SEMA4D: variants seen among roughly 807,000 people sequenced by gnomAD.
SEMA4D encodes the protein semaphorin-4D.
Under a neutral mutation model 74.8 loss-of-function variants are expected in SEMA4D, and 22 were observed. That is an observed-to-expected ratio of 0.29 (90% CI 0.21 to 0.42). The LOEUF (loss-of-function observed/expected upper bound fraction) is 0.42. SEMA4D is among the 10% of genes least tolerant of loss of function. SEMA4D has a pLI of 1.00. For missense variants in SEMA4D, 937 were observed against 1,118.4 expected, an observed-to-expected ratio of 0.84 and a Z score of 2.31; for synonymous variants, 445 against 463.7, an observed-to-expected ratio of 0.96 and a Z score of 0.52.
At chr9:89,430,052 G>A (rs150348297) in intron 2 of SEMA4D, among the ~76,000 whole-genome samples, 51 of 151,730 alleles carry the variant, frequency 3.4e-4, no homozygotes, top group African/African-American at 1.1e-3. Context: ...GGGTGGGAGC[G>A]GTCACAAGCC....
exon 19 of SEMA4D, chr9:89,361,450 A>G (rs1032771165): frequency 6.6e-6 from 1 of 152,232 alleles, no homozygotes; most frequent in Non-Finnish European, 1.5e-5. Flanking sequence ...GAAAACTGTC[A>G]TTCAACAGAC....
At chr9:89,467,053 G>A (rs1858914117) in intron 1 of SEMA4D, among the ~76,000 whole-genome samples, 1 of 152,252 alleles carries the variant, frequency 6.6e-6, no homozygotes, top group Admixed American at 6.5e-5. Context: ...AGCCCCATGT[G>A]TGAAGTTAAC....
chr9:89,380,881 C>T (rs371661033), intron 15 of SEMA4D, among the ~76,000 whole-genome samples, 174 bp downstream of exon 15: 8 of 152,158 alleles, frequency 5.3e-5, no homozygotes, highest in Non-Finnish European at 8.8e-5. Context: ...AGTACTCTTT[C>T]GGCAAGAAAA....
intron 2 of SEMA4D, among the ~76,000 whole-genome samples, chr9:89,451,203 C>T: frequency 6.6e-6 from 1 of 152,018 alleles, no homozygotes; most frequent in Admixed American, 6.6e-5. Flanking sequence ...TCCATTCTCC[C>T]CAAGTATTTT....
chr9:89,436,016 G>A (rs553181151), intron 2 of SEMA4D, among the ~76,000 whole-genome samples: 1 of 151,984 alleles, frequency 6.6e-6, no homozygotes, highest in South Asian at 2.1e-4. Context: ...CACAGCCTCA[G>A]CCTTGGCTGC....
rs1184757052 is a variant in SEMA4D, at chr9:89,459,538, G to A, written c.-309-3585C>T. 7.9e-5 allele frequency among the ~76,000 whole-genome samples: 12 copies of A among 152,286 alleles called. 1 individual carries two copies. Among genetic ancestry groups the A allele is most frequent in the Admixed American group, 7.2e-4 (11 of 15,306 alleles). ...GAAACAGCCTACAAGGGTGTTGGGGGGGAGTCTTATTAACATTCCTGAGGG... is the reference window on the plus strand; with the variant it reads ...GAAACAGCCTACAAGGGTGTTGGGGAGGAGTCTTATTAACATTCCTGAGGG... On this transcript the variant is annotated intron_variant, in intron 1 of 15. Coordinates refer to ENST00000422704, the MANE Select transcript of SEMA4D (RefSeq NM_001371194.2).
At chr9:89,490,426 A>G (rs1245958205) in intron 1 of SEMA4D, among the ~76,000 whole-genome samples, 2 of 152,204 alleles carry the variant, frequency 1.3e-5, no homozygotes, top group Admixed American at 6.5e-5. Context: ...TGGCTTTACA[A>G]TGGTGTGAAA....
At chr9:89,497,655 T>A (rs928331773) in intron 1 of SEMA4D, among the ~76,000 whole-genome samples, 1 of 148,978 alleles carries the variant, frequency 6.7e-6, no homozygotes, top group Non-Finnish European at 1.5e-5. Flanking sequence ...CGGGGAGGGA[T>A]AGCAGAGAGG....
At chr9:89,481,880 G>T (rs1824734861) in intron 1 of SEMA4D, among the ~76,000 whole-genome samples, 1 of 152,266 alleles carries the variant, frequency 6.6e-6, no homozygotes, top group Non-Finnish European at 1.5e-5. Context: ...GCCGCACACT[G>T]AGGCTAGGTG....
In SEMA4D at chr9:89,381,999, A is replaced by G. The variant is rs1473322714; in HGVS notation, c.1447-653T>C. Among the ~76,000 whole-genome samples the G allele has an allele frequency of 6.6e-6, 1 of 152,236 alleles. No individual in the cohort carries two copies. The highest frequency in any genetic ancestry group is 2.4e-5 in the African/African-American group (1 of 41,462). On this transcript the variant is annotated intron_variant, in intron 13 of 15. Transcript: ENST00000422704. The surrounding 1 kb of genome is among the most constrained non-coding windows in gnomAD (Gnocchi z 4.6). ...TAAAAGGGAAGAGCTCACAGACGGG[A>G]AGTCAACCTCCGAGCTCCAGAGCAG...
intron 16 of SEMA4D, chr9:89,364,136 T>TTGGCCC (rs1833204690): frequency 1.6e-6 from 2 of 1,265,948 alleles, no homozygotes; most frequent in Non-Finnish European, 2.2e-6. Context: ...AGCCTTGGCC[T>TTGGCCC]TGGCCCGTCC....
intron 2 of SEMA4D, among the ~76,000 whole-genome samples, chr9:89,436,966 C>T (rs888305059): frequency 6.6e-6 from 1 of 152,240 alleles, no homozygotes; most frequent in African/African-American, 2.4e-5. Context: ...GGGCAAGTCA[C>T]TCTGGCCCTC....
At chr9:89,475,601 C>T (rs72750924) in intron 1 of SEMA4D, among the ~76,000 whole-genome samples, 3,401 of 152,316 alleles carry the variant, frequency 0.022, 67 homozygotes, top group South Asian at 0.075. Flanking sequence ...GGAGCTGGCA[C>T]CCCTCTGCAT....
chr9:89,372,495 T>A (rs1250764881), downstream of SEMA4D, among the ~76,000 whole-genome samples: 1 of 151,790 alleles, frequency 6.6e-6, no homozygotes, highest in Non-Finnish European at 1.5e-5. Flanking sequence ...GCTAGCCGCA[T>A]GACAAAGCTT....
Position 89,378,145 on chromosome 9 carries a change from C to T in SEMA4D, c.*559G>A, listed in dbSNP as rs565536194. ...ACAAAATCTGGAAGATATACATCTT[C>T]TTCTAAATATTAACACAACTGCTTC... On this transcript the variant is annotated 3_prime_UTR_variant, in exon 16 of 16. Transcript: ENST00000422704. 1.3e-5 allele frequency: 2 copies of T among 152,146 alleles called. No individual in the cohort carries two copies. Among genetic ancestry groups the T allele is most frequent in the Admixed American group, 6.5e-5 (1 of 15,268 alleles). 9.4% of individuals were successfully genotyped at this position (152,146 alleles called of 1,614,324 possible). A position where few individuals can be genotyped will look rare whatever the true frequency, so the allele number is the denominator to read the frequency against.
intron 2 of SEMA4D, among the ~76,000 whole-genome samples, chr9:89,442,319 G>A (rs948796523): frequency 6.6e-6 from 1 of 152,266 alleles, no homozygotes; most frequent in African/African-American, 2.4e-5. Context: ...TGGCCCGCCT[G>A]TCAGAAGAGG....
Position 89,379,416 on chromosome 9 carries a change from G to A in SEMA4D, c.1877C>T (p.Ser626Leu). The change falls in exon 16 of 16, where the codon TCA becomes TTA. Residue 626 changes from serine (S) to leucine (L), a missense_variant. By Grantham distance (145) the Ser-to-Leu change is moderately radical (BLOSUM62 -2). Transcript: ENST00000422704. Reference protein sequence around the residue: ...EGDSGVYQCLSEERVKNKTVF... With the variant: ...EGDSGVYQCLLEERVKNKTVF... ...CGTTTTGTTCTTAACCCTCTCCTCTGACAGGCACTGGTACACCCCACTGTC... is the reference window on the plus strand; with the variant it reads ...CGTTTTGTTCTTAACCCTCTCCTCTAACAGGCACTGGTACACCCCACTGTC... 2 of 1,614,172 alleles carry A rather than the reference G, an allele frequency of 1.2e-6. No homozygotes were observed. The highest frequency in any genetic ancestry group is 8.5e-7 in the Non-Finnish European group (1 of 1,180,024).
intron 11 of SEMA4D, 79 bp from the exon 12 acceptor site, chr9:89,387,687 A>C (rs1838841030): frequency 7.9e-7 from 1 of 1,261,178 alleles, no homozygotes; most frequent in East Asian, 2.4e-5. Flanking sequence ...CAGCCAACGC[A>C]GGGGGGGCTG....
intron 2 of SEMA4D, among the ~76,000 whole-genome samples, chr9:89,437,562 G>T (rs928907995): frequency 6.6e-6 from 1 of 152,192 alleles, no homozygotes; most frequent in Admixed American, 6.5e-5. Context: ...CCCTGAGAGG[G>T]GAGGGCACAG....
Sources: gnomAD v4.1 joint callset for allele counts (sites outside exome capture counted in the v4.1 genomes callset) on GRCh38, gnomAD v4.1.1 for gene constraint, Gnocchi (gnomAD v3.1) non-coding constraint, MANE v1.5 for transcripts, NCBI Gene and HGNC (gene_info 2026-07-23, HGNC 2026-07-21) for gene names.